DLG2: variants seen among roughly 807,000 people sequenced by gnomAD.
The protein encoded by DLG2 is disks large homolog 2.
In DLG2, 45 loss-of-function variants were observed where a neutral mutation model predicts 132.5. The observed-to-expected ratio is 0.34, with a 90% CI of 0.27 to 0.44. DLG2 has a LOEUF of 0.44. Ranked by LOEUF, DLG2 falls within the 20% of genes least tolerant of loss-of-function variation. The pLI, the probability that DLG2 is intolerant of heterozygous loss-of-function variation, is 1.00. For synonymous variants in DLG2, 424 were observed against 419.6 expected (o/e 1.01, Z -0.13); for missense variants, 1,045 against 1,196.9 (o/e 0.87, Z 1.87).
chr11:84,823,618 C>T (rs2077973969), intron 6 of DLG2, among the ~76,000 whole-genome samples: 1 of 151,016 alleles, frequency 6.6e-6, no homozygotes, highest in South Asian at 2.1e-4. Context: ...CACACACACA[C>T]ACACACACAC....
chr11:83,522,894 T>G (rs1315180513), intron 21 of DLG2, among the ~76,000 whole-genome samples: 1 of 150,700 alleles, frequency 6.6e-6, no homozygotes, highest in Non-Finnish European at 1.5e-5. Context: ...TTGCTGAAAC[T>G]CTTTTCAGAT....
At chr11:84,298,058 G>A (rs1454146510) in intron 7 of DLG2, among the ~76,000 whole-genome samples, 1 of 151,912 alleles carries the variant, frequency 6.6e-6, no homozygotes, top group African/African-American at 2.4e-5. Context: ...AATTTAATTT[G>A]TAATAGCACA....
chr11:84,479,976 C>T (rs1188775750), intron 7 of DLG2, among the ~76,000 whole-genome samples: 1 of 152,006 alleles, frequency 6.6e-6, no homozygotes, highest in Non-Finnish European at 1.5e-5. Context: ...TTTTCTCATT[C>T]CTTTACTAGT....
intron 6 of DLG2, among the ~76,000 whole-genome samples, chr11:84,589,845 A>T (rs2099538702): frequency 6.6e-6 from 1 of 152,236 alleles, no homozygotes; most frequent in African/African-American, 2.4e-5. Context: ...ATGGAAATAA[A>T]CTACCAAGAC....
intron 4 of DLG2, among the ~76,000 whole-genome samples, chr11:85,276,926 T>C (rs11234328): frequency 6.6e-6 from 1 of 152,272 alleles, no homozygotes; most frequent in East Asian, 1.9e-4. Context: ...TCAAACACTA[T>C]AACAGAGGCC....
intron 6 of DLG2, among the ~76,000 whole-genome samples, chr11:84,869,329 C>T (rs758544784): frequency 4.6e-5 from 7 of 152,116 alleles, no homozygotes; most frequent in Admixed American, 3.3e-4. Context: ...ATGCAACAGG[C>T]GGTACCTAAT....
chr11:85,156,521 C>T (rs921010944), intron 4 of DLG2, among the ~76,000 whole-genome samples: 1 of 152,144 alleles, frequency 6.6e-6, no homozygotes, highest in Non-Finnish European at 1.5e-5. Flanking sequence ...AAACATAGAG[C>T]TCTTTATTTT....
At chr11:85,200,008 A>G in intron 4 of DLG2, among the ~76,000 whole-genome samples, 1 of 151,788 alleles carries the variant, frequency 6.6e-6, no homozygotes. Flanking sequence ...ATAAGAACAA[A>G]CATGCTCATT....
intron 8 of DLG2, among the ~76,000 whole-genome samples, chr11:84,183,880 C>T (rs1241694166): frequency 6.6e-6 from 1 of 152,170 alleles, no homozygotes; most frequent in Non-Finnish European, 1.5e-5. Context: ...CCAGCTTCAT[C>T]CATGTCCCTA....
chr11:85,212,331 G>A (rs755025244), intron 4 of DLG2, among the ~76,000 whole-genome samples: 50 of 151,880 alleles, frequency 3.3e-4, no homozygotes, highest in South Asian at 6.2e-4. Context: ...TTCTTTCTCC[G>A]TCTTTCTCTC....
chr11:84,922,728 C>A (rs935990044), intron 6 of DLG2, among the ~76,000 whole-genome samples: 12 of 152,140 alleles, frequency 7.9e-5, no homozygotes, highest in Non-Finnish European at 1.8e-4. Flanking sequence ...AAAAGAAAGA[C>A]AAAATCATAA....
chr11:85,522,868 G>A (rs1468430970), intron 3 of DLG2, among the ~76,000 whole-genome samples: 1 of 152,152 alleles, frequency 6.6e-6, no homozygotes, highest in African/African-American at 2.4e-5. Flanking sequence ...ACAGGCATAA[G>A]GGACTTGCCT....
chr11:84,079,706 AG>A (rs942719939), intron 10 of DLG2, among the ~76,000 whole-genome samples: 1 of 152,132 alleles, frequency 6.6e-6, no homozygotes, highest in Admixed American at 6.5e-5. Context: ...GAAACATTCC[AG>A]GTCTCATGTT....
intron 7 of DLG2, among the ~76,000 whole-genome samples, chr11:84,528,309 C>A (rs911175394): frequency 6.6e-6 from 1 of 152,178 alleles, no homozygotes; most frequent in Admixed American, 6.5e-5. Flanking sequence ...AATTGCATTT[C>A]TCTTTCCAAT....
chr11:83,782,395 C>A (rs1412762460), intron 18 of DLG2, among the ~76,000 whole-genome samples: 2 of 152,290 alleles, frequency 1.3e-5, no homozygotes, highest in East Asian at 3.9e-4. Flanking sequence ...ACAGAAGGGT[C>A]TATCACAGCT....
intron 14 of DLG2, among the ~76,000 whole-genome samples, chr11:83,954,380 T>C (rs180674964): frequency 1.3e-5 from 2 of 152,324 alleles, no homozygotes; most frequent in East Asian, 3.9e-4. Flanking sequence ...CAGTTTTCTC[T>C]TTATTGTTTA....
intron 8 of DLG2, among the ~76,000 whole-genome samples, chr11:84,190,590 T>A (rs1315775915): frequency 1.3e-5 from 2 of 152,220 alleles, no homozygotes; most frequent in East Asian, 3.8e-4. Flanking sequence ...TTCAGACATT[T>A]TAATGTTTTG....
chr11:83,850,587 A>G (rs2059574171), intron 16 of DLG2, among the ~76,000 whole-genome samples: 1 of 152,134 alleles, frequency 6.6e-6, no homozygotes, highest in Non-Finnish European at 1.5e-5. Context: ...GAAAGCAAAT[A>G]TTTTCACTGG....
At chr11:84,885,688 C>T (rs2154057715) in intron 6 of DLG2, among the ~76,000 whole-genome samples, 1 of 152,038 alleles carries the variant, frequency 6.6e-6, no homozygotes, top group East Asian at 1.9e-4. Context: ...GTGTGTAGCA[C>T]AGTACCTGGT....
Sources: allele counts gnomAD v4.1 joint callset (sites outside exome capture counted in the v4.1 genomes callset), GRCh38; gene constraint gnomAD v4.1.1; transcripts MANE v1.5; gene names NCBI Gene and HGNC (gene_info 2026-07-23, HGNC 2026-07-21).